Variants in COL21A1 observed in about 807,000 individuals in gnomAD.
The protein encoded by COL21A1 is collagen type XXI alpha 1 chain, also known as collagen alpha-1(XXI) chain.
In COL21A1, 149 loss-of-function variants were observed where a neutral mutation model predicts 137.9. That is an observed-to-expected ratio of 1.08 (90% confidence interval 0.95 to 1.24). The LOEUF is 1.24. COL21A1 is among the 50% of genes most tolerant of loss of function. COL21A1 has a pLI of 0.00. For missense variants in COL21A1, 1,167 were observed against 1,158.4 expected (o/e 1.01, Z -0.11); for synonymous variants, 456 against 391.5 (o/e 1.16, Z -1.95).
At chr6:56,197,738 T>C (rs1015197383) in intron 1 of COL21A1, among the ~76,000 whole-genome samples, 1 of 152,092 alleles carries the variant, frequency 6.6e-6, no homozygotes, top group Non-Finnish European at 1.5e-5. Flanking sequence ...AGGGAACACT[T>C]GTACACTGTT....
chr6:56,060,258 G>A (rs1262743605), intron 27 of COL21A1, 40 bp from the exon 28 acceptor site: 1 of 1,443,980 alleles, frequency 6.9e-7, no homozygotes, highest in Non-Finnish European at 9.4e-7. Context: ...ATGTTTAAAT[G>A]GTGAGTTGGT....
chr6:56,309,192 C>A (rs1004541475), intron 1 of COL21A1, among the ~76,000 whole-genome samples: 1 of 152,098 alleles, frequency 6.6e-6, no homozygotes, highest in Non-Finnish European at 1.5e-5. Context: ...CAGACACATG[C>A]CACCACACCC....
chr6:56,136,867 C>CA (rs1177227535), intron 12 of COL21A1, among the ~76,000 whole-genome samples: 1 of 152,020 alleles, frequency 6.6e-6, no homozygotes, highest in Non-Finnish European at 1.5e-5. Flanking sequence ...AAATGTAGAC[C>CA]ATGAACACTC....
chr6:56,226,588 G>A (rs376835190), intron 1 of COL21A1, among the ~76,000 whole-genome samples: 39 of 152,094 alleles, frequency 2.6e-4, no homozygotes, highest in African/African-American at 9.4e-4. Context: ...ACTTCCATTT[G>A]GAGGCCAAAG....
intron 1 of COL21A1, among the ~76,000 whole-genome samples, chr6:56,373,427 C>T (rs1433725892): frequency 6.6e-6 from 1 of 152,104 alleles, no homozygotes; most frequent in Non-Finnish European, 1.5e-5. Context: ...TATGGTGAAA[C>T]CCCGCCTCTA....
rs1291692598 is a variant in COL21A1 at position 56,156,894 on chromosome 6, C to G, written c.1427G>C (p.Gly476Ala). ...TAAGCTTTCAGTACTCACAGGCTTA[C>G]CATCTTGACCAGGTTGTCCAGGGTA... ...PGYPGQPGQD[G>A]KPGYQGIAGT... The change falls in exon 10 of 30, where the codon GGT (glycine) becomes GCT (alanine). Residue 476 changes from glycine (G) to alanine (A), a missense_variant. By Grantham distance (60) the Gly-to-Ala change is moderately conservative. Transcript: ENST00000244728. The G allele has an allele frequency of 6.2e-7, 1 of 1,611,634 alleles. No homozygotes were observed. The highest frequency in any genetic ancestry group is 8.5e-7 in the Non-Finnish European group (1 of 1,178,842).
At chr6:56,087,440 A>C (rs573208615) in intron 17 of COL21A1, among the ~76,000 whole-genome samples, 18 of 152,246 alleles carry the variant, frequency 1.2e-4, no homozygotes, top group Admixed American at 3.3e-4. Context: ...TCAGTATTGA[A>C]CTCATGGGGT....
In COL21A1 at chr6:56,118,205, A is replaced by G. The variant is rs1371224261; in HGVS notation, c.1758+5857T>C. 2.0e-5 allele frequency among the ~76,000 whole-genome samples: 3 copies of G among 151,896 alleles called. No homozygotes were observed. In the East Asian group the frequency reaches 5.8e-4, roughly 29 times the overall value. On this transcript the variant is annotated intron_variant, in intron 16 of 29. Transcript: ENST00000244728. ...TTAGCCAGTGTAACCGAGAAAATAA[A>G]AAAGGATACCCAAATAAAATACAGT... is the stretch of plus-strand genomic sequence containing the variant.
chr6:56,348,166 T>C (rs2152346431), intron 1 of COL21A1, among the ~76,000 whole-genome samples: 1 of 152,248 alleles, frequency 6.6e-6, no homozygotes, highest in Non-Finnish European at 1.5e-5. Flanking sequence ...CCATGTGCTT[T>C]AGCATGTAGG....
chr6:56,354,838 A>AT (rs1304067820), intron 1 of COL21A1, among the ~76,000 whole-genome samples: 1 of 152,212 alleles, frequency 6.6e-6, no homozygotes, highest in Non-Finnish European at 1.5e-5. Flanking sequence ...AACCTGGGTG[A>AT]TGGAGTGAGA....
chr6:56,094,509 T>C (rs1330549269), intron 17 of COL21A1, among the ~76,000 whole-genome samples: 1 of 152,174 alleles, frequency 6.6e-6, no homozygotes, highest in Non-Finnish European at 1.5e-5. Flanking sequence ...CAAGGCAATA[T>C]AGACTACTTC....
intron 1 of COL21A1, among the ~76,000 whole-genome samples, chr6:56,215,850 T>C (rs1009307824): frequency 2.6e-5 from 4 of 152,134 alleles, no homozygotes; most frequent in African/African-American, 9.7e-5. Context: ...TGAATACTTA[T>C]AATGCATTAT....
At chr6:56,205,279 G>A (rs1318939005) in intron 1 of COL21A1, among the ~76,000 whole-genome samples, 5 of 152,160 alleles carry the variant, frequency 3.3e-5, no homozygotes, top group Non-Finnish European at 5.9e-5. Flanking sequence ...CCAGTTTAGA[G>A]AAGAACATAA....
chr6:56,070,975 CA>C (rs1766695066), intron 20 of COL21A1, among the ~76,000 whole-genome samples, 177 bp from the exon 21 acceptor site: 1 of 151,460 alleles, frequency 6.6e-6, no homozygotes, highest in Admixed American at 6.6e-5. Context: ...ATCTTTTAGG[CA>C]AGGAAGGGGT....
chr6:56,339,454 A>T (rs1380067159), intron 1 of COL21A1, among the ~76,000 whole-genome samples: 2 of 152,162 alleles, frequency 1.3e-5, no homozygotes, highest in African/African-American at 2.4e-5. Flanking sequence ...TATAATGAGG[A>T]TTCATGTGGT....
intron 1 of COL21A1, among the ~76,000 whole-genome samples, chr6:56,227,979 C>A (rs1781317536): frequency 6.6e-6 from 1 of 151,824 alleles, no homozygotes; most frequent in African/African-American, 2.4e-5. Flanking sequence ...AAGATAGTAC[C>A]TGAAAATGCT....
intron 1 of COL21A1, among the ~76,000 whole-genome samples, chr6:56,340,004 A>C (rs1765429663): frequency 6.6e-6 from 1 of 152,188 alleles, no homozygotes; most frequent in Non-Finnish European, 1.5e-5. Context: ...TGGACATCTA[A>C]GTCAGGATTG....
intron 1 of COL21A1, among the ~76,000 whole-genome samples, chr6:56,222,774 T>TA (rs35318862): frequency 0.64 from 96,250 of 151,364 alleles, 30,869 homozygotes; most frequent in East Asian, 0.86. Flanking sequence ...TCCTATTCTT[T>TA]AAAAAAAAGG....
At chr6:56,207,598 C>A (rs1397504840) in intron 1 of COL21A1, among the ~76,000 whole-genome samples, 1 of 152,098 alleles carries the variant, frequency 6.6e-6, no homozygotes, top group East Asian at 1.9e-4. Context: ...CCGAATTCTG[C>A]CAGAAGTACA....
Sources: gnomAD v4.1 joint callset for allele counts (sites outside exome capture counted in the v4.1 genomes callset) on GRCh38, gnomAD v4.1.1 for gene constraint, MANE v1.5 for transcripts, NCBI Gene and HGNC (gene_info 2026-07-23, HGNC 2026-07-21) for gene names.